CHST9: variants seen among roughly 807,000 people sequenced by gnomAD.
CHST9 encodes the protein carbohydrate sulfotransferase 9, also known as GalNAc-4-sulfotransferase 2.
In CHST9, 41 loss-of-function variants were observed where a neutral mutation model predicts 44.4. That is an observed-to-expected ratio of 0.92 (90% CI 0.72 to 1.20). CHST9 has a LOEUF of 1.20. Ranked by LOEUF, CHST9 falls within the 50% of genes most tolerant of loss-of-function variation. CHST9 has a pLI of 0.00. For missense variants in CHST9, 504 were observed against 516.5 expected (o/e 0.98, Z 0.23); for synonymous variants, 171 against 178.4 (o/e 0.96, Z 0.33).
At chr18:27,097,561 A>G (rs930980184) in intron 2 of CHST9, among the ~76,000 whole-genome samples, 8 of 151,972 alleles carry the variant, frequency 5.3e-5, no homozygotes, top group African/African-American at 1.7e-4. Context: ...AGGGTATAAA[A>G]TCAATATAAA....
intron 1 of CHST9, among the ~76,000 whole-genome samples, chr18:27,152,771 A>C (rs1050615305): frequency 6.6e-6 from 1 of 152,092 alleles, no homozygotes; most frequent in Non-Finnish European, 1.5e-5. Flanking sequence ...CTTTTAAAAA[A>C]TTTTTGGAGT....
chr18:27,183,710 T>G (rs1342777016), intron 1 of CHST9, among the ~76,000 whole-genome samples: 1 of 152,222 alleles, frequency 6.6e-6, no homozygotes, highest in African/African-American at 2.4e-5. Context: ...GATCGTATGG[T>G]GTAGAATTGT....
chr18:26,983,104 A>T (rs2056712405), intron 4 of CHST9, among the ~76,000 whole-genome samples: 1 of 152,158 alleles, frequency 6.6e-6, no homozygotes, highest in South Asian at 2.1e-4. Context: ...CACTGTCAAT[A>T]AGCAATCACT....
intron 2 of CHST9, among the ~76,000 whole-genome samples, chr18:27,141,292 C>T (rs972996010): frequency 1.3e-5 from 2 of 151,318 alleles, no homozygotes; most frequent in Admixed American, 6.6e-5. Context: ...GTGAACCCAG[C>T]AGGCGGAGCT....
At chr18:27,130,885 CA>C (rs2058465621) in intron 2 of CHST9, among the ~76,000 whole-genome samples, 1 of 151,766 alleles carries the variant, frequency 6.6e-6, no homozygotes, top group Non-Finnish European at 1.5e-5. Context: ...CATAAGGCTA[CA>C]AATATGAAAA....
At chr18:27,130,990 A>G (rs2058466437) in intron 2 of CHST9, among the ~76,000 whole-genome samples, 1 of 152,176 alleles carries the variant, frequency 6.6e-6, no homozygotes, top group African/African-American at 2.4e-5. Context: ...GAAGGCAAGA[A>G]AGAAGGTACG....
At chr18:27,067,514 A>T (rs994210792) in intron 2 of CHST9, among the ~76,000 whole-genome samples, 1 of 152,180 alleles carries the variant, frequency 6.6e-6, no homozygotes, top group South Asian at 2.1e-4. Flanking sequence ...TTCAACGACT[A>T]ACTCAATTCT....
At chr18:27,107,600 G>A (rs2058232552) in intron 2 of CHST9, among the ~76,000 whole-genome samples, 1 of 152,138 alleles carries the variant, frequency 6.6e-6, no homozygotes, top group African/African-American at 2.4e-5. Context: ...TCTTCCTAGT[G>A]TGCTTCCTAT....
intron 5 of CHST9, among the ~76,000 whole-genome samples, chr18:26,927,071 T>G (rs1157751912): frequency 3.3e-5 from 5 of 152,150 alleles, no homozygotes; most frequent in African/African-American, 1.2e-4. Flanking sequence ...CCAAGAGGGT[T>G]TGGAGGAGCA....
chr18:27,062,775 C>T lies in CHST9; in HGVS notation c.122-14272G>A, dbSNP rs374196009. On this transcript the variant is annotated intron_variant, in intron 2 of 5. Coordinates refer to ENST00000618847, the MANE Select transcript of CHST9 (RefSeq NM_031422.6). ...TGGTTGAACTAGTTTACAGTCCCAC[C>T]AACAGTGTAAAAGTGTTCCTATTTC... Among the ~76,000 whole-genome samples the T allele has an allele frequency of 4.9e-4, 75 of 152,278 alleles. 1 individual carries two copies. The South Asian group carries it at 0.015, about 30-fold the overall frequency.
In CHST9 at chr18:27,168,255, T is replaced by C. The variant is rs953424575; in HGVS notation, c.-97+16881A>G. On this transcript the variant is annotated intron_variant, in intron 1 of 5. Transcript: ENST00000618847. ...ACGCCCGGCTAATTTTTTGTATTTTTAGTAGAGACGGGGTTTCACTGTGTT... is the reference window on the plus strand; with the variant it reads ...ACGCCCGGCTAATTTTTTGTATTTTCAGTAGAGACGGGGTTTCACTGTGTT... Among the ~76,000 whole-genome samples, 6 of 152,048 alleles carry C rather than the reference T, an allele frequency of 3.9e-5. No individual in the cohort carries two copies. In the South Asian group the frequency reaches 1.2e-3, roughly 32 times the overall value.
At chr18:27,044,733 T>C (rs1472683015) in intron 3 of CHST9, among the ~76,000 whole-genome samples, 2 of 152,024 alleles carry the variant, frequency 1.3e-5, no homozygotes, top group Non-Finnish European at 2.9e-5. Flanking sequence ...AGAAATAGCC[T>C]AGAGAAAAAT....
intron 4 of CHST9, among the ~76,000 whole-genome samples, chr18:26,964,175 T>C (rs2056435627): frequency 6.6e-6 from 1 of 152,210 alleles, no homozygotes; most frequent in Non-Finnish European, 1.5e-5. Flanking sequence ...GGAGACCAAA[T>C]AGAAATCCAT....
intron 4 of CHST9, among the ~76,000 whole-genome samples, chr18:26,975,725 G>GTGTGTATATA (rs1383045273): frequency 2.9e-5 from 3 of 101,840 alleles, no homozygotes; most frequent in Non-Finnish European, 5.7e-5. Flanking sequence ...GTGTGTGTGT[G>GTGTGTATATA]TATATATATA....
chr18:27,028,287 T>C (rs2143481296), intron 3 of CHST9, among the ~76,000 whole-genome samples: 1 of 152,318 alleles, frequency 6.6e-6, no homozygotes, highest in South Asian at 2.1e-4. Context: ...ATAGCAGTTC[T>C]CTTCTACACA....
intron 1 of CHST9, among the ~76,000 whole-genome samples, chr18:27,177,229 G>C (rs1311686373): frequency 6.6e-6 from 1 of 151,506 alleles, no homozygotes; most frequent in African/African-American, 2.4e-5. Context: ...ATCTTTTGGG[G>C]AAAAAAATTA....
At chr18:27,104,408 G>C (rs936907730) in intron 2 of CHST9, among the ~76,000 whole-genome samples, 1 of 152,130 alleles carries the variant, frequency 6.6e-6, no homozygotes, top group Non-Finnish European at 1.5e-5. Flanking sequence ...TTTTTCAGAA[G>C]TTGTTACTTT....
At chr18:27,075,075 C>T (rs1469709634) in intron 2 of CHST9, among the ~76,000 whole-genome samples, 2 of 150,602 alleles carry the variant, frequency 1.3e-5, no homozygotes, top group Non-Finnish European at 3.0e-5. Flanking sequence ...AAAAATGAAA[C>T]ACTCCTAAAT....
At chr18:26,917,401 T>C (rs1431914686) in intron 5 of CHST9, 51 bp from the exon 6 acceptor site, 1 of 1,553,958 alleles carries the variant, frequency 6.4e-7, no homozygotes, top group Admixed American at 1.9e-5. Flanking sequence ...CGAGTGTGGG[T>C]ATACTGGATA....
Sources: allele counts gnomAD v4.1 joint callset (sites outside exome capture counted in the v4.1 genomes callset), GRCh38; gene constraint gnomAD v4.1.1; transcripts MANE v1.5; gene names NCBI Gene and HGNC (gene_info 2026-07-23, HGNC 2026-07-21).